PML: variants seen among roughly 807,000 people sequenced by gnomAD.
The protein encoded by PML is protein PML.
A neutral mutation model predicts 65.2 loss-of-function variants in PML; 28 were observed. That is an observed-to-expected ratio of 0.43 (90% CI 0.32 to 0.59). The LOEUF (loss-of-function observed/expected upper bound fraction) is 0.59. Ranked by LOEUF, PML falls within the 20% of genes least tolerant of loss-of-function variation. The pLI is 0.08. For missense variants in PML, 1,021 were observed against 1,203.4 expected (o/e 0.85, Z 2.24); for synonymous variants, 500 against 508.8 (o/e 0.98, Z 0.23).
At position 74,045,123 on chromosome 15, in the gene PML, T is replaced by TAGGGA; in HGVS notation, c.*115_*116insAGGGA. On this transcript the variant is annotated 3_prime_UTR_variant, in exon 9 of 9. Transcript: ENST00000268058. The stretch of plus-strand genomic sequence containing the variant: ...CCTGGTACCCAGCCCTCAGTTGTCA[T>TAGGGA]TTGGTTCAGAATCAGTTCCCTTTCT... The TAGGGA allele has an allele frequency of 1.0e-6, 1 of 965,410 alleles. No individual in the cohort carries two copies. Among genetic ancestry groups the TAGGGA allele is most frequent in the Non-Finnish European group, 1.5e-6 (1 of 662,958 alleles). 59.8% of individuals were successfully genotyped at this position (965,410 alleles called of 1,614,324 possible).
chr15:74,040,700 ATGGGTG>A (rs2071676883), intron 7 of PML, among the ~76,000 whole-genome samples: 1 of 152,228 alleles, frequency 6.6e-6, no homozygotes, highest in African/African-American at 2.4e-5. Flanking sequence ...GACCAGCTCC[ATGGGTG>A]GCCATACTTT....
In PML at chr15:74,044,722, C is replaced by A. The variant is rs1409624673; in HGVS notation, c.2363C>A (p.Ala788Asp). ...TCCCTGCAGCCCCTGGTGCAGGCAGCTGTGCTGCCCCGGGCTGAGGCCCGC... is the reference window on the plus strand; with the variant it reads ...TCCCTGCAGCCCCTGGTGCAGGCAGATGTGCTGCCCCGGGCTGAGGCCCGC... ...FASLQPLVQAAVLPRAEARLL... is the reference protein window; with the variant it reads ...FASLQPLVQADVLPRAEARLL... The change falls in exon 9 of 9, where the codon GCT becomes GAT. Residue 788 changes from alanine to aspartate, a missense_variant. Ala to Asp is a moderately radical substitution (Grantham distance 126). Coordinates refer to ENST00000268058, the MANE Select transcript of PML (RefSeq NM_033238.3). The A allele has an allele frequency of 1.9e-6, 3 of 1,609,562 alleles. No individual in the cohort carries two copies. The African/African-American group carries it at 4.0e-5, about 21-fold the overall frequency.
intron 2 of PML, among the ~76,000 whole-genome samples, chr15:74,004,719 A>AT (rs762375779): frequency 0.014 from 2,069 of 143,150 alleles, 29 homozygotes; most frequent in African/African-American, 0.039. Flanking sequence ...CTGCTTTTTA[A>AT]TTTTTTTTTT....
chr15:74,044,977 G>T lies in PML; in HGVS notation c.2618G>T (p.Gly873Val). 1 of 1,608,398 alleles carries T rather than the reference G, an allele frequency of 6.2e-7. No homozygotes were observed. Residue 873 changes from glycine to valine, a missense_variant, in exon 9 of 9, where the codon GGC becomes GTC. Physicochemically the swap from Gly to Val is moderately radical, Grantham distance 109 (BLOSUM62 -3). Coordinates refer to ENST00000268058, the MANE Select transcript of PML (RefSeq NM_033238.3). Reference sequence around the variant, plus strand: ...GTCTCCACCCCACTTGCTGGCCGTGGCTTGGCAGAGAGGGCCTCCCAGCAG... The same window carrying T: ...GTCTCCACCCCACTTGCTGGCCGTGTCTTGGCAGAGAGGGCCTCCCAGCAG... Reference protein sequence around the residue: ...EGVSTPLAGRGLAERASQQS With the variant: ...EGVSTPLAGRVLAERASQQS
intron 6 of PML, chr15:74,034,068 C>T (rs779117583): frequency 1.1e-5 from 4 of 352,572 alleles, no homozygotes; most frequent in Admixed American, 8.3e-5. Context: ...TATTGGTAAT[C>T]GATGGGTTTT....
Position 73,998,077 on chromosome 15 carries a change from A to G in PML, c.203A>G (p.Lys68Arg), listed in dbSNP as rs2069588960. 1 of 1,613,630 alleles carries G rather than the reference A, an allele frequency of 6.2e-7. No homozygotes were observed. Among genetic ancestry groups the G allele is most frequent in the East Asian group, 2.2e-5 (1 of 44,882 alleles). ...TGCCAGGCGGAAGCCAAGTGCCCGAAGCTGCTGCCTTGTCTGCACACGCTG... is the reference window on the plus strand; with the variant it reads ...TGCCAGGCGGAAGCCAAGTGCCCGAGGCTGCTGCCTTGTCTGCACACGCTG... Reference protein sequence around the residue: ...QQCQAEAKCPKLLPCLHTLCS... With the variant: ...QQCQAEAKCPRLLPCLHTLCS... Residue 68 changes from lysine to arginine, a missense_variant, in exon 2 of 9, where the codon AAG (lysine) becomes AGG (arginine). Transcript: ENST00000268058.
At chr15:74,002,987 A>G (rs1477538583) in intron 2 of PML, among the ~76,000 whole-genome samples, 2 of 152,112 alleles carry the variant, frequency 1.3e-5, no homozygotes, top group Non-Finnish European at 2.9e-5. Flanking sequence ...TTAGCTGGAC[A>G]TGGTGGCACA....
rs2070922936 is a variant in PML, at chr15:74,023,219, C to CT, written c.995dup (p.Val333GlyfsTer83). The CT allele has an allele frequency of 6.2e-7, 1 of 1,610,220 alleles. No homozygotes were observed. The highest frequency in any genetic ancestry group is 8.5e-7 in the Non-Finnish European group (1 of 1,179,024). ...GCAGCGCATCCGCACGGGCAGCGCGCTGGTGCAGAGGATGAAGTGCTACGC... is the reference window on the plus strand; with the variant it reads ...GCAGCGCATCCGCACGGGCAGCGCGCTTGGTGCAGAGGATGAAGTGCTACGC... On this transcript the variant is annotated frameshift_variant, in exon 3 of 9. Coordinates refer to ENST00000268058, the MANE Select transcript of PML (RefSeq NM_033238.3). LOFTEE classifies it high-confidence loss of function.
chr15:74,043,887 G>A lies in PML; in HGVS notation c.1862-334G>A, dbSNP rs1313545831. 1.9e-6 allele frequency: 1 copy of A among 519,720 alleles called. No homozygotes were observed. The highest frequency in any genetic ancestry group is 2.5e-5 in the Admixed American group (1 of 40,406). 32.2% of individuals were successfully genotyped at this position (519,720 alleles called of 1,614,324 possible). On this transcript the variant is annotated intron_variant, in intron 8 of 8. Transcript: ENST00000268058. The surrounding 1 kb of genome is among the most constrained non-coding windows in gnomAD (Gnocchi z 4.3). Reference sequence around the variant, plus strand: ...GGAGAGCTAAGTTCAAGCAGCCTGGGATCTCTAGTATAGGTGGCTGAGGCT... The same window carrying A: ...GGAGAGCTAAGTTCAAGCAGCCTGGAATCTCTAGTATAGGTGGCTGAGGCT...
intron 1 of PML, among the ~76,000 whole-genome samples, chr15:73,996,922 G>C (rs1315489817): frequency 6.6e-6 from 1 of 152,166 alleles, no homozygotes; most frequent in African/African-American, 2.4e-5. Flanking sequence ...TCAGGTTCTT[G>C]GCATTTTGAA....
At position 74,044,503 on chromosome 15, in the gene PML, G is replaced by T; in HGVS notation, c.2144G>T (p.Arg715Leu). 1 of 1,614,086 alleles carries T rather than the reference G, an allele frequency of 6.2e-7. No individual in the cohort carries two copies. Among genetic ancestry groups the T allele is most frequent in the South Asian group, 1.1e-5 (1 of 91,082 alleles). Residue 715 changes from arginine (R) to leucine (L), a missense_variant, in exon 9 of 9, where the codon CGG becomes CTG. Coordinates refer to ENST00000268058, the MANE Select transcript of PML (RefSeq NM_033238.3). ...SGFLAALPLI[R>L]ERVPGASSFK... is the part of the protein sequence containing the mutation. ...TTCCTGGCTGCCCTGCCTCTCATCC[G>T]GGAGCGTGTGCCCGGGGCCAGCAGC...
intron 2 of PML, among the ~76,000 whole-genome samples, chr15:74,012,922 C>T (rs1049305820): frequency 6.6e-6 from 1 of 152,062 alleles, no homozygotes; most frequent in African/African-American, 2.4e-5. Context: ...TGAATAATAT[C>T]TCGGCTGGGT....
In PML at chr15:74,043,294, C is replaced by T; in HGVS notation, c.1861+155C>T. Reference sequence around the variant, plus strand: ...GGCAGAGCACTCCGGCTCACCTGGGCTCCTGGCGTGTCATTTGCTGGCTTG... The same window carrying T: ...GGCAGAGCACTCCGGCTCACCTGGGTTCCTGGCGTGTCATTTGCTGGCTTG... On this transcript the variant is annotated intron_variant, in intron 8 of 8. Transcript: ENST00000268058. The surrounding 1 kb of genome is among the most constrained non-coding windows in gnomAD (Gnocchi z 4.3). The T allele has an allele frequency of 6.6e-7, 1 of 1,513,586 alleles. No individual in the cohort carries two copies. Among genetic ancestry groups the T allele is most frequent in the Non-Finnish European group, 8.8e-7 (1 of 1,136,698 alleles). 93.8% of individuals were successfully genotyped at this position (1,513,586 alleles called of 1,614,324 possible). A position where few individuals can be genotyped will look rare whatever the true frequency, so the allele number is the denominator to read the frequency against.
intron 6 of PML, chr15:74,033,727 G>A: frequency 1.6e-6 from 1 of 613,910 alleles, no homozygotes; most frequent in African/African-American, 1.8e-5. Flanking sequence ...CTGATGCCTA[G>A]CATACTCCCA....
intron 2 of PML, 96 bp downstream of exon 2, chr15:73,998,572 G>A (rs74614863): frequency 0.017 from 17,829 of 1,065,162 alleles, 217 homozygotes; most frequent in Middle Eastern, 0.023. Flanking sequence ...TGAGGACAAG[G>A]AGCTTCTGGG....
intron 2 of PML, among the ~76,000 whole-genome samples, chr15:74,020,889 C>T (rs1269628712): frequency 6.6e-6 from 1 of 152,224 alleles, no homozygotes; most frequent in Admixed American, 6.5e-5. Context: ...ATTCTCCTGC[C>T]TCCCTGCCCT....
Position 74,034,488 on chromosome 15 carries a change from T to C in PML, c.1668T>C (p.Val556=), listed in dbSNP as rs776277079. The change falls in exon 7 of 9, where the codon GTT becomes GTC. Residue 556 remains valine (V), a synonymous_variant. Transcript: ENST00000268058. ...CCTTCCCCGTTTCAGAGGAACGCGTTGTGGTGATCAGCAGCTCGGAAGACT... is the reference window on the plus strand; with the variant it reads ...CCTTCCCCGTTTCAGAGGAACGCGTCGTGGTGATCAGCAGCTCGGAAGACT... The part of the protein sequence containing the change: ...ASGAGEAEER[V]VVISSSEDSD... 1.6e-5 allele frequency: 26 copies of C among 1,614,032 alleles called. No homozygotes were observed. Among genetic ancestry groups the C allele is most frequent in the Non-Finnish European group, 2.1e-5 (25 of 1,180,028 alleles).
chr15:74,029,128 T>C (rs1328301152), intron 4 of PML, among the ~76,000 whole-genome samples: 2 of 152,178 alleles, frequency 1.3e-5, no homozygotes, highest in African/African-American at 4.8e-5. Context: ...ACCAGCACCG[T>C]GTAAAAGTTT....
At chr15:74,019,312 C>G (rs1012798128) in intron 2 of PML, among the ~76,000 whole-genome samples, 1 of 152,224 alleles carries the variant, frequency 6.6e-6, no homozygotes. Context: ...GGAAGGGGAT[C>G]CAACATCAGA....
Sources: allele counts gnomAD v4.1 joint callset (sites outside exome capture counted in the v4.1 genomes callset), GRCh38; gene constraint gnomAD v4.1.1; non-coding constraint Gnocchi (gnomAD v3.1); transcripts MANE v1.5; gene names NCBI Gene and HGNC (gene_info 2026-07-23, HGNC 2026-07-21).